The following IGSF21 variants were observed in gnomAD, a reference collection of about 807,000 sequenced individuals.
The protein encoded by IGSF21 is immunoglobin superfamily member 21, also known as immunoglobulin superfamily member 21.
In IGSF21, 28 loss-of-function variants were observed where a neutral mutation model predicts 46.8. The ratio of observed to expected loss-of-function variants is 0.60; its 90% CI spans 0.44 to 0.82. The LOEUF is 0.82. Ranked by LOEUF, IGSF21 falls within the 40% of genes least tolerant of loss-of-function variation. The pLI, the probability that IGSF21 is intolerant of heterozygous loss-of-function variation, is 0.00. For missense variants in IGSF21, 624 were observed against 665.5 expected (o/e 0.94, Z 0.69); for synonymous variants, 284 against 273.6 (o/e 1.04, Z -0.38).
At chr1:18,332,899 G>T (rs574626031) in intron 3 of IGSF21, among the ~76,000 whole-genome samples, 2 of 152,320 alleles carry the variant, frequency 1.3e-5, no homozygotes, top group South Asian at 2.1e-4. Flanking sequence ...GCCCAGGTGT[G>T]GGGGGACAGT....
intron 1 of IGSF21, among the ~76,000 whole-genome samples, chr1:18,152,723 T>G (rs1557559657): frequency 6.6e-6 from 1 of 152,180 alleles, no homozygotes; most frequent in Non-Finnish European, 1.5e-5. Flanking sequence ...AGTTTTGCCC[T>G]TCTCATCATG....
Position 18,250,583 on chromosome 1 carries a change from G to A in IGSF21, c.183+22573G>A, listed in dbSNP as rs1253175774. Reference sequence around the variant, plus strand: ...ATTAAACTACCTTCAAACATTATATGGCGAAAATTATAAACTAGAAAGAGG... The same window carrying A: ...ATTAAACTACCTTCAAACATTATATAGCGAAAATTATAAACTAGAAAGAGG... On this transcript the variant is annotated intron_variant, in intron 2 of 9. Coordinates refer to ENST00000251296, the MANE Select transcript of IGSF21 (RefSeq NM_032880.5). Among the ~76,000 whole-genome samples, 4 of 152,170 alleles carry A rather than the reference G, an allele frequency of 2.6e-5. No individual in the cohort carries two copies. The East Asian group carries it at 7.7e-4, about 29-fold the overall frequency.
At chr1:18,134,622 G>A (rs900839786) in intron 1 of IGSF21, among the ~76,000 whole-genome samples, 1 of 152,094 alleles carries the variant, frequency 6.6e-6, no homozygotes, top group African/African-American at 2.4e-5. Context: ...ATGCACATGG[G>A]CATTGGCCTG....
intron 3 of IGSF21, among the ~76,000 whole-genome samples, chr1:18,305,488 TGATGGATGGATGGATGGATGG>T (rs2085413453): frequency 2.0e-5 from 1 of 50,312 alleles, no homozygotes; most frequent in African/African-American, 3.8e-5. Flanking sequence ...GATGGATGGA[TGATGGATGGATGGATGGATGG>T]ATGAATGGAT....
intron 1 of IGSF21, among the ~76,000 whole-genome samples, chr1:18,189,050 A>G (rs763988081): frequency 1.3e-5 from 2 of 152,198 alleles, no homozygotes; most frequent in African/African-American, 2.4e-5. Flanking sequence ...ATAATCCCAG[A>G]GTCAGAGCCC....
chr1:18,297,371 C>A (rs1318577968), intron 3 of IGSF21, among the ~76,000 whole-genome samples: 1 of 152,154 alleles, frequency 6.6e-6, no homozygotes, highest in Non-Finnish European at 1.5e-5. Flanking sequence ...ACACTCACAT[C>A]ATTCATTCAT....
intron 6 of IGSF21, among the ~76,000 whole-genome samples, chr1:18,367,568 C>T (rs1316473970): frequency 6.7e-6 from 1 of 149,036 alleles, no homozygotes; most frequent in Non-Finnish European, 1.5e-5. Flanking sequence ...CCTGAAGACC[C>T]ATTACAATGG....
intron 3 of IGSF21, among the ~76,000 whole-genome samples, chr1:18,319,278 A>G (rs1294958278): frequency 7.2e-5 from 11 of 152,206 alleles, no homozygotes; most frequent in Admixed American, 5.2e-4. Flanking sequence ...AAGCAGGAAG[A>G]AAAAAAGGAC....
chr1:18,247,397 C>T (rs530915741), intron 2 of IGSF21, among the ~76,000 whole-genome samples: 29 of 152,156 alleles, frequency 1.9e-4, no homozygotes, highest in Non-Finnish European at 3.1e-4. Flanking sequence ...TCATCCACCA[C>T]GTGTCTTTGT....
chr1:18,155,771 C>G (rs2086562872), intron 1 of IGSF21, among the ~76,000 whole-genome samples: 1 of 152,218 alleles, frequency 6.6e-6, no homozygotes, highest in Admixed American at 6.5e-5. Context: ...GGCAAGCCAG[C>G]ACCCCACTCT....
At chr1:18,363,847 G>T (rs1361967688) in intron 5 of IGSF21, among the ~76,000 whole-genome samples, 1 of 152,070 alleles carries the variant, frequency 6.6e-6, no homozygotes, top group Non-Finnish European at 1.5e-5. Flanking sequence ...AGACACAGGT[G>T]GGGTGGTGGG....
intron 1 of IGSF21, among the ~76,000 whole-genome samples, chr1:18,165,079 G>T (rs1040927246): frequency 3.3e-5 from 5 of 151,750 alleles, no homozygotes; most frequent in Non-Finnish European, 7.4e-5. Context: ...ATTTTTTGTG[G>T]CTGCGTGGTA....
chr1:18,170,873 T>C (rs1385902305), intron 1 of IGSF21, among the ~76,000 whole-genome samples: 1 of 152,046 alleles, frequency 6.6e-6, no homozygotes, highest in Non-Finnish European at 1.5e-5. Context: ...AAGACAGTGG[T>C]CAGGGTAGGT....
At position 18,378,351 on chromosome 1, in the gene IGSF21, C is replaced by G; in HGVS notation, c.*25C>G. The G allele has an allele frequency of 6.3e-7, 1 of 1,584,258 alleles. No homozygotes were observed. The highest frequency in any genetic ancestry group is 1.3e-5 in the African/African-American group (1 of 74,346). ...AAGGCACCCGCCCCGGCCACTCCATCAGGCACTGACATCTCCACGACCGGT... is the reference window on the plus strand; with the variant it reads ...AAGGCACCCGCCCCGGCCACTCCATGAGGCACTGACATCTCCACGACCGGT... On this transcript the variant is annotated 3_prime_UTR_variant, in exon 10 of 10. Transcript: ENST00000251296.
chr1:18,371,621 A>C (rs962722106), intron 6 of IGSF21, among the ~76,000 whole-genome samples: 1 of 152,166 alleles, frequency 6.6e-6, no homozygotes, highest in Admixed American at 6.5e-5. Context: ...CAGAGTACTC[A>C]CTGTGTGAGT....
intron 1 of IGSF21, among the ~76,000 whole-genome samples, chr1:18,227,452 A>G (rs571627972): frequency 1.3e-5 from 2 of 152,110 alleles, no homozygotes; most frequent in East Asian, 3.9e-4. Context: ...ACATTTCGGC[A>G]TTCATTTCCT....
At chr1:18,268,345 GCTC>G (rs1270528123) in intron 2 of IGSF21, among the ~76,000 whole-genome samples, 2 of 152,240 alleles carry the variant, frequency 1.3e-5, no homozygotes, top group Non-Finnish European at 2.9e-5. Context: ...ATGCTGAAAT[GCTC>G]CTCAACAGCT....
At chr1:18,309,082 TC>T (rs1226219295) in intron 3 of IGSF21, among the ~76,000 whole-genome samples, 1 of 150,264 alleles carries the variant, frequency 6.7e-6, no homozygotes, top group Non-Finnish European at 1.5e-5. Context: ...ACCCCCATAC[TC>T]CCCGCCCCCA....
intron 2 of IGSF21, among the ~76,000 whole-genome samples, chr1:18,239,199 T>G (rs1435841199): frequency 1.3e-5 from 2 of 152,154 alleles, no homozygotes; most frequent in Non-Finnish European, 2.9e-5. Context: ...AGGGGCTGAC[T>G]TAACTTGTCG....
Sources: gnomAD v4.1 joint callset for allele counts (sites outside exome capture counted in the v4.1 genomes callset) on GRCh38, gnomAD v4.1.1 for gene constraint, MANE v1.5 for transcripts, NCBI Gene and HGNC (gene_info 2026-07-23, HGNC 2026-07-21) for gene names.